The following AGBL1 variants were observed in gnomAD, a reference collection of about 807,000 sequenced individuals.
AGBL1 encodes the protein cytosolic carboxypeptidase 4.
A neutral mutation model predicts 118.9 loss-of-function variants in AGBL1; 130 were observed. That is an observed-to-expected ratio of 1.09 (90% CI 0.95 to 1.26). The LOEUF (loss-of-function observed/expected upper bound fraction) is 1.26. Ranked by LOEUF, AGBL1 falls within the 50% of genes most tolerant of loss-of-function variation. AGBL1 has a pLI of 0.00. For synonymous variants in AGBL1, 555 were observed against 478.9 expected, an observed-to-expected ratio of 1.16 and a Z score of -2.08; for missense variants, 1,584 against 1,298.1, an observed-to-expected ratio of 1.22 and a Z score of -3.38.
At chr15:86,860,078 G>A (rs1183176994) in intron 22 of AGBL1, among the ~76,000 whole-genome samples, 3 of 152,064 alleles carry the variant, frequency 2.0e-5, no homozygotes, top group Non-Finnish European at 4.4e-5. Flanking sequence ...ATTGATTTTG[G>A]GGCGGAATAT....
chr15:87,024,099 C>T (rs577184890), intron 24 of AGBL1, among the ~76,000 whole-genome samples: 5 of 151,786 alleles, frequency 3.3e-5, no homozygotes, highest in African/African-American at 1.2e-4. Context: ...CAAACCAAAC[C>T]CAAACCCAGC....
intron 3 of AGBL1, among the ~76,000 whole-genome samples, chr15:86,152,851 A>G (rs2077132554): frequency 6.6e-6 from 1 of 152,242 alleles, no homozygotes; most frequent in Non-Finnish European, 1.5e-5. Flanking sequence ...TGGGCAAAGG[A>G]TATGAACAGA....
chr15:86,567,068 A>G (rs1296082261), intron 21 of AGBL1, among the ~76,000 whole-genome samples: 2 of 152,166 alleles, frequency 1.3e-5, no homozygotes, highest in Non-Finnish European at 2.9e-5. Flanking sequence ...TACTGTTTGT[A>G]TTTTTATTGA....
intron 22 of AGBL1, among the ~76,000 whole-genome samples, chr15:86,744,631 C>T (rs565025728): frequency 4.6e-5 from 7 of 152,238 alleles, no homozygotes; most frequent in Non-Finnish European, 8.8e-5. Flanking sequence ...GACATTCACC[C>T]CCAGAGGGGG....
At chr15:86,380,475 C>T (rs899328401) in intron 17 of AGBL1, among the ~76,000 whole-genome samples, 1 of 151,110 alleles carries the variant, frequency 6.6e-6, no homozygotes, top group African/African-American at 2.4e-5. Flanking sequence ...TTCCTCCCTC[C>T]CTCCCTTCCT....
intron 18 of AGBL1, among the ~76,000 whole-genome samples, chr15:86,470,024 G>A (rs991800190): frequency 2.6e-5 from 4 of 152,152 alleles, no homozygotes; most frequent in Admixed American, 1.3e-4. Context: ...TCTGTAGGTT[G>A]TTCTTTCATT....
chr15:86,430,821 T>G (rs2081927040), intron 18 of AGBL1, among the ~76,000 whole-genome samples: 1 of 152,248 alleles, frequency 6.6e-6, no homozygotes, highest in African/African-American at 2.4e-5. Flanking sequence ...TACGTATAAC[T>G]TTGTGATACA....
intron 20 of AGBL1, among the ~76,000 whole-genome samples, chr15:86,554,073 TG>T (rs2083698701): frequency 6.6e-6 from 1 of 152,054 alleles, no homozygotes; most frequent in Non-Finnish European, 1.5e-5. Flanking sequence ...ACGGCTAGGC[TG>T]GTTTTGAACT....
intron 24 of AGBL1, among the ~76,000 whole-genome samples, chr15:87,003,244 T>G (rs2081460019): frequency 1.3e-5 from 2 of 152,226 alleles, no homozygotes; most frequent in South Asian, 4.1e-4. Flanking sequence ...ATTCTGTGGC[T>G]TTTGTCTTTG....
chr15:86,099,222 T>C (rs949727690), intron 1 of AGBL1, among the ~76,000 whole-genome samples: 1 of 152,148 alleles, frequency 6.6e-6, no homozygotes, highest in Non-Finnish European at 1.5e-5. Context: ...AGGAAATAAC[T>C]AATAAAAATC....
intron 22 of AGBL1, among the ~76,000 whole-genome samples, chr15:86,875,754 G>C (rs911561823): frequency 6.6e-6 from 1 of 152,178 alleles, no homozygotes; most frequent in Non-Finnish European, 1.5e-5. Flanking sequence ...GAATGGGGTA[G>C]AGATCAATGA....
intron 22 of AGBL1, among the ~76,000 whole-genome samples, chr15:86,871,251 A>G (rs1335034647): frequency 2.0e-5 from 3 of 152,168 alleles, no homozygotes; most frequent in Non-Finnish European, 2.9e-5. Context: ...TCTGTCAGAT[A>G]TGGGGCTTGC....
At position 86,907,123 on chromosome 15, in the gene AGBL1, G is replaced by C. The variant is rs1253872180; in HGVS notation, c.3195G>C (p.Leu1065=). 1 of 152,280 alleles carries C rather than the reference G, an allele frequency of 6.6e-6. No individual in the cohort carries two copies. The allele number at this position is 152,280 out of a possible 1,614,324, so 9.4% of individuals were successfully genotyped here. A position where few individuals can be genotyped will look rare whatever the true frequency, so the allele number is the denominator to read the frequency against. Residue 1065 remains leucine (L), a synonymous_variant, in exon 23 of 23, where the codon CTG becomes CTC. Transcript: ENST00000614907. ...GCAGTGGCAGCGTCCCTTCGGAACT[G>C]GAGGATGAACCTGCCTGCTTGGAGG... ...SSSSGSVPSE[L]EDEPACLEEI...
At chr15:86,566,589 C>T (rs1434340677) in intron 21 of AGBL1, among the ~76,000 whole-genome samples, 1 of 152,084 alleles carries the variant, frequency 6.6e-6, no homozygotes, top group Non-Finnish European at 1.5e-5. Context: ...CTCTTGACTT[C>T]TCTCCTTGTC....
At chr15:86,431,947 C>T (rs958254107) in intron 18 of AGBL1, among the ~76,000 whole-genome samples, 12 of 152,146 alleles carry the variant, frequency 7.9e-5, no homozygotes, top group African/African-American at 2.4e-4. Context: ...ATTGGCAACA[C>T]GATAGCTCTG....
intron 6 of AGBL1, among the ~76,000 whole-genome samples, chr15:86,231,230 A>T (rs2078450431): frequency 6.6e-6 from 1 of 152,188 alleles, no homozygotes; most frequent in Non-Finnish European, 1.5e-5. Context: ...CCCATACCTC[A>T]TACTGGGCTA....
chr15:86,378,732 A>T (rs11638141), intron 17 of AGBL1, among the ~76,000 whole-genome samples: 2 of 151,684 alleles, frequency 1.3e-5, no homozygotes, highest in African/African-American at 4.8e-5. Flanking sequence ...AATTGAGGCC[A>T]CATGTAAGTA....
intron 21 of AGBL1, among the ~76,000 whole-genome samples, chr15:86,602,179 A>G (rs1374483542): frequency 1.3e-5 from 2 of 152,098 alleles, no homozygotes; most frequent in Non-Finnish European, 1.5e-5. Flanking sequence ...GCCAGAGAAA[A>G]TCTAATCCTC....
At chr15:86,744,911 G>A (rs1284239350) in intron 22 of AGBL1, among the ~76,000 whole-genome samples, 1 of 152,158 alleles carries the variant, frequency 6.6e-6, no homozygotes, top group African/African-American at 2.4e-5. Flanking sequence ...GATCTGCGGA[G>A]CAGCTCTATC....
Sources: gnomAD v4.1 joint callset for allele counts (sites outside exome capture counted in the v4.1 genomes callset) on GRCh38, gnomAD v4.1.1 for gene constraint, MANE v1.5 for transcripts, NCBI Gene and HGNC (gene_info 2026-07-23, HGNC 2026-07-21) for gene names.